TMOD1: variants seen among roughly 807,000 people sequenced by gnomAD.
The protein encoded by TMOD1 is tropomodulin 1, also known as tropomodulin-1.
A neutral mutation model predicts 40.6 loss-of-function variants in TMOD1; 17 were observed. That is an observed-to-expected ratio of 0.42 (90% CI 0.29 to 0.63). The LOEUF (loss-of-function observed/expected upper bound fraction) is 0.63, where lower values mean the gene tolerates loss of function less well. TMOD1 is among the 20% of genes least tolerant of loss of function. The pLI is 0.22. For synonymous variants in TMOD1, 181 were observed against 175.0 expected (o/e 1.03, Z -0.27); for missense variants, 391 against 447.6 (o/e 0.87, Z 1.14).
intron 8 of TMOD1, among the ~76,000 whole-genome samples, chr9:97,574,112 C>G (rs982530035): frequency 6.6e-6 from 1 of 152,228 alleles, no homozygotes; most frequent in African/African-American, 2.4e-5. Context: ...GGCGCCCACT[C>G]TGGCCGCGCT....
At chr9:97,510,846 C>A (rs935859386) in intron 1 of TMOD1, among the ~76,000 whole-genome samples, 9 of 152,154 alleles carry the variant, frequency 5.9e-5, no homozygotes, top group African/African-American at 2.2e-4. Context: ...ATGGAAGGGG[C>A]AGAGCGTGGG....
chr9:97,514,268 TC>T (rs1226871374), intron 1 of TMOD1, among the ~76,000 whole-genome samples: 2 of 140,676 alleles, frequency 1.4e-5, no homozygotes, highest in Non-Finnish European at 3.1e-5. Context: ...TTCTTTTTTT[TC>T]TTTTTCTTTT....
intron 8 of TMOD1, among the ~76,000 whole-genome samples, chr9:97,575,777 T>C (rs1830927251): frequency 6.6e-6 from 1 of 152,082 alleles, no homozygotes; most frequent in African/African-American, 2.4e-5. Flanking sequence ...ACCTAAGGTG[T>C]TGGTTGGTAA....
In TMOD1 at chr9:97,600,443, G is replaced by GAGTT. The variant is rs754244623; in HGVS notation, c.*748_*751dup. 9.1e-6 allele frequency: 9 copies of GAGTT among 985,498 alleles called. No individual in the cohort carries two copies. The highest frequency in any genetic ancestry group is 1.1e-4 in the East Asian group (1 of 8,830). 61.0% of individuals were successfully genotyped at this position (985,498 alleles called of 1,614,324 possible). On this transcript the variant is annotated 3_prime_UTR_variant, in exon 10 of 10. Transcript: ENST00000259365. ...GGGATTTATGTACAATTTAATACTG[G>GAGTT]AGTTAGAACTTTTTCCTTATTGAAT...
chr9:97,588,589 T>G (rs1825930177), intron 8 of TMOD1, among the ~76,000 whole-genome samples: 1 of 152,220 alleles, frequency 6.6e-6, no homozygotes, highest in Admixed American at 6.5e-5. Context: ...GTTTTAAATT[T>G]TGATGAAGTG....
At chr9:97,585,390 G>C (rs1471029047) in intron 8 of TMOD1, among the ~76,000 whole-genome samples, 1 of 151,824 alleles carries the variant, frequency 6.6e-6, no homozygotes, top group African/African-American at 2.4e-5. Flanking sequence ...AGTCTGATGG[G>C]CTTCCCTTTG....
At chr9:97,578,836 G>A (rs2131279772) in intron 8 of TMOD1, among the ~76,000 whole-genome samples, 1 of 152,316 alleles carries the variant, frequency 6.6e-6, no homozygotes, top group Non-Finnish European at 1.5e-5. Flanking sequence ...TCACTCAGGG[G>A]AGACCAGTAC....
intron 8 of TMOD1, among the ~76,000 whole-genome samples, chr9:97,574,409 C>T (rs962456052): frequency 6.6e-6 from 1 of 152,238 alleles, no homozygotes; most frequent in African/African-American, 2.4e-5. Context: ...TAGCTGCCTC[C>T]CCACGGGGCA....
chr9:97,590,317 G>A (rs1238525198), intron 8 of TMOD1, among the ~76,000 whole-genome samples: 3 of 151,962 alleles, frequency 2.0e-5, no homozygotes, highest in East Asian at 3.9e-4. Flanking sequence ...TCTGCCTCCC[G>A]GGTTCAAGCC....
chr9:97,597,090 G>T (rs1587968345), intron 9 of TMOD1, among the ~76,000 whole-genome samples: 1 of 152,266 alleles, frequency 6.6e-6, no homozygotes, highest in Non-Finnish European at 1.5e-5. Context: ...TTGGCAAGAA[G>T]TGGCAGAGGA....
At chr9:97,519,771 G>A (rs1290070472) in intron 1 of TMOD1, among the ~76,000 whole-genome samples, 1 of 152,134 alleles carries the variant, frequency 6.6e-6, no homozygotes, top group Admixed American at 6.5e-5. Context: ...ATAGAACACG[G>A]GTCCTCTCCT....
intron 9 of TMOD1, among the ~76,000 whole-genome samples, chr9:97,592,899 A>T (rs1330999433): frequency 6.6e-6 from 1 of 152,220 alleles, no homozygotes; most frequent in Non-Finnish European, 1.5e-5. Flanking sequence ...CCCATTTTTT[A>T]AAATGTGTGC....
rs187848457 is a variant in TMOD1 at position 97,589,489 on chromosome 9, C to T, written c.871-1802C>T. On this transcript the variant is annotated intron_variant, in intron 8 of 9. Transcript: ENST00000259365. ...AGAGACAGTGTTTCACCACGTTGGC[C>T]AGGATAGTCTGGATTTCTTGACCTC... Among the ~76,000 whole-genome samples the T allele has an allele frequency of 1.4e-3, 207 of 151,470 alleles. 1 individual carries two copies. The highest frequency in any genetic ancestry group is 2.5e-3 in the Non-Finnish European group (168 of 67,892).
Position 97,591,314 on chromosome 9 carries a change from G to T in TMOD1, c.894G>T (p.Val298=). 1 of 1,614,046 alleles carries T rather than the reference G, an allele frequency of 6.2e-7. No homozygotes were observed. Among genetic ancestry groups the T allele is most frequent in the Non-Finnish European group, 8.5e-7 (1 of 1,180,010 alleles). Residue 298 remains valine, a synonymous_variant, in exon 9 of 10, where the codon GTG becomes GTT. Coordinates refer to ENST00000259365, the MANE Select transcript of TMOD1 (RefSeq NM_003275.4). ...DNQSQPLGNK[V]EMEIVSMLEK... The stretch of plus-strand genomic sequence containing the variant: ...AGAGCCAGCCCCTGGGCAACAAAGT[G>T]GAAATGGAGATTGTGAGCATGTTGG...
At chr9:97,539,732 C>T (rs955512828) in intron 2 of TMOD1, among the ~76,000 whole-genome samples, 5 of 152,044 alleles carry the variant, frequency 3.3e-5, no homozygotes, top group South Asian at 2.1e-4. Context: ...TTTGGGAGGC[C>T]GAGGCGGGCG....
In TMOD1 at chr9:97,600,654, T is replaced by C. The variant is rs903537468; in HGVS notation, c.*956T>C. 2.0e-6 allele frequency: 2 copies of C among 991,572 alleles called. No homozygotes were observed. Among genetic ancestry groups the C allele is most frequent in the Admixed American group, 6.0e-5 (1 of 16,714 alleles). The allele number at this position is 991,572 out of a possible 1,614,324, so 61.4% of individuals were successfully genotyped here. Reference sequence around the variant, plus strand: ...CTTCAGCTACTGATCTCATCACTTATTAGACAAATTGCTGCTGACCTTACG... The same window carrying C: ...CTTCAGCTACTGATCTCATCACTTACTAGACAAATTGCTGCTGACCTTACG... On this transcript the variant is annotated 3_prime_UTR_variant, in exon 10 of 10. Coordinates refer to ENST00000259365, the MANE Select transcript of TMOD1 (RefSeq NM_003275.4).
intron 1 of TMOD1, among the ~76,000 whole-genome samples, chr9:97,508,356 T>C (rs1268133494): frequency 6.6e-6 from 1 of 151,808 alleles, no homozygotes; most frequent in East Asian, 1.9e-4. Flanking sequence ...ACCTGGCAAA[T>C]TTTTGTATTT....
intron 1 of TMOD1, among the ~76,000 whole-genome samples, chr9:97,509,554 A>G (rs1286517621): frequency 7.1e-6 from 1 of 140,236 alleles, no homozygotes; most frequent in African/African-American, 2.7e-5. Context: ...TCTTTCACCC[A>G]GGCTGGAGTG....
At chr9:97,570,190 A>G (rs532868600) in intron 8 of TMOD1, among the ~76,000 whole-genome samples, 3 of 152,302 alleles carry the variant, frequency 2.0e-5, no homozygotes, top group South Asian at 4.1e-4. Context: ...AAGAAACGAA[A>G]ACATTACCAA....
Sources: gnomAD v4.1 joint callset for allele counts (sites outside exome capture counted in the v4.1 genomes callset) on GRCh38, gnomAD v4.1.1 for gene constraint, MANE v1.5 for transcripts, NCBI Gene and HGNC (gene_info 2026-07-23, HGNC 2026-07-21) for gene names.